Variants in PTK2 observed in about 807,000 individuals in gnomAD.
PTK2 encodes the protein focal adhesion kinase 1.
Under a neutral mutation model 150.1 loss-of-function variants are expected in PTK2, and 45 were observed. The observed-to-expected ratio is 0.30, with a 90% confidence interval of 0.24 to 0.38. The LOEUF (loss-of-function observed/expected upper bound fraction) is 0.38, where lower values mean the gene tolerates loss of function less well. Among genes scored for constraint, PTK2 ranks in the 10% least tolerant of loss-of-function variants. PTK2 has a pLI of 1.00. For synonymous variants in PTK2, 432 were observed against 449.2 expected (o/e 0.96, Z 0.48); for missense variants, 919 against 1,307.3 (o/e 0.70, Z 4.58).
intron 2 of PTK2, among the ~76,000 whole-genome samples, chr8:140,915,676 C>G (rs376396109): frequency 2.6e-5 from 4 of 151,998 alleles, no homozygotes; most frequent in East Asian, 1.9e-4. Flanking sequence ...GCAGGCAGAT[C>G]ACCTGAGGTC....
intron 2 of PTK2, among the ~76,000 whole-genome samples, chr8:140,917,301 C>T (rs2154608160): frequency 1.3e-5 from 2 of 151,150 alleles, no homozygotes; most frequent in Middle Eastern, 6.8e-3. Context: ...TGAGGCAGAA[C>T]TGCTTGAACC....
At chr8:140,967,215 C>T (rs1246308142) in intron 1 of PTK2, among the ~76,000 whole-genome samples, 1 of 152,224 alleles carries the variant, frequency 6.6e-6, no homozygotes, top group South Asian at 2.1e-4. Flanking sequence ...AATCATGCTG[C>T]TATTCTTGCT....
chr8:140,837,746 CA>C (rs961686065), intron 7 of PTK2, among the ~76,000 whole-genome samples: 1 of 145,780 alleles, frequency 6.9e-6, no homozygotes, highest in African/African-American at 2.5e-5. Flanking sequence ...CAAACAAAAA[CA>C]AAAAAAGTCA....
chr8:140,679,455 C>T (rs576396719), intron 27 of PTK2, among the ~76,000 whole-genome samples: 4 of 152,260 alleles, frequency 2.6e-5, no homozygotes, highest in East Asian at 1.9e-4. Flanking sequence ...TGTGTGCTCA[C>T]GTACAACCTG....
intron 24 of PTK2, among the ~76,000 whole-genome samples, chr8:140,703,537 CTG>C (rs2100031943): frequency 6.6e-6 from 1 of 152,210 alleles, no homozygotes; most frequent in Non-Finnish European, 1.5e-5. Flanking sequence ...ACAAAAATGT[CTG>C]TGCCATACTT....
intron 27 of PTK2, among the ~76,000 whole-genome samples, chr8:140,676,975 G>A (rs115483752): frequency 0.018 from 2,640 of 149,640 alleles, 75 homozygotes; most frequent in African/African-American, 0.061. Context: ...GACTTAATGG[G>A]TATAATGTAC....
chr8:140,674,496 T>G, intron 28 of PTK2, 92 bp from the exon 32 acceptor site: 1 of 1,187,476 alleles, frequency 8.4e-7, no homozygotes. Context: ...TCTCAGCACT[T>G]TGGGAGGCTG....
intron 1 of PTK2, among the ~76,000 whole-genome samples, chr8:140,991,113 C>T (rs2100195554): frequency 6.6e-6 from 1 of 152,146 alleles, no homozygotes. Context: ...TGTGGACTGT[C>T]TAATTTTTAT....
intron 8 of PTK2, among the ~76,000 whole-genome samples, chr8:140,823,208 T>A (rs2100109850): frequency 6.6e-6 from 1 of 152,208 alleles, no homozygotes; most frequent in Non-Finnish European, 1.5e-5. Flanking sequence ...TGTTGGTATA[T>A]TCATTCATGA....
intron 24 of PTK2, among the ~76,000 whole-genome samples, chr8:140,703,422 T>C (rs959208363): frequency 1.3e-5 from 2 of 152,196 alleles, no homozygotes; most frequent in African/African-American, 4.8e-5. Flanking sequence ...ATTAGAGAGC[T>C]AGTGCAAATA....
At chr8:140,990,290 A>G (rs2100195211) in intron 1 of PTK2, among the ~76,000 whole-genome samples, 1 of 150,906 alleles carries the variant, frequency 6.6e-6, no homozygotes, top group Non-Finnish European at 1.5e-5. Context: ...GTTGGAGTGT[A>G]GTGGTGTGAT....
chr8:140,741,429 T>C (rs2100055585), intron 20 of PTK2, among the ~76,000 whole-genome samples: 1 of 151,624 alleles, frequency 6.6e-6, no homozygotes, highest in African/African-American at 2.4e-5. Flanking sequence ...CACTCCAGCC[T>C]GGGCGACAGA....
intron 7 of PTK2, chr8:140,832,938 C>T (rs1156435614): frequency 1.9e-6 from 1 of 518,972 alleles, no homozygotes; most frequent in Non-Finnish European, 3.8e-6. Context: ...AGGGAATATC[C>T]TCTCCGCCAC....
intron 1 of PTK2, chr8:140,934,684 A>G (rs767816964): frequency 6.6e-6 from 1 of 152,254 alleles, no homozygotes; most frequent in African/African-American, 2.4e-5. Context: ...CACCTCCCCA[A>G]TGTTCCTGCT....
At chr8:140,846,786 C>A in intron 5 of PTK2, 108 bp from the exon 6 acceptor site, 1 of 690,614 alleles carries the variant, frequency 1.4e-6, no homozygotes, top group South Asian at 2.1e-5. Context: ...TACATTATGT[C>A]GGTAATTACG....
chr8:140,764,058 CTTAGAGTGGGCATATGTAAGTAATA>C, intron 15 of PTK2, 151 bp downstream of exon 17: 3 of 647,034 alleles, frequency 4.6e-6, no homozygotes, highest in Non-Finnish European at 8.2e-6. Flanking sequence ...GGCTTCTGAC[CTTAGAGTGGGCATATGTAAGTAATA>C]TAGAATGGTA....
At chr8:140,979,122 AG>A (rs1380601600) in intron 1 of PTK2, among the ~76,000 whole-genome samples, 1 of 45,772 alleles carries the variant, frequency 2.2e-5, no homozygotes, top group Non-Finnish European at 3.9e-5. Flanking sequence ...GGGTGGGGGG[AG>A]GGGGGAGGGA....
At position 140,702,143 on chromosome 8, in the gene PTK2, A is replaced by G. The variant is rs1452622049; in HGVS notation, c.2367+427T>C. 1.8e-3 allele frequency among the ~76,000 whole-genome samples: 268 copies of G among 149,746 alleles called. 2 individuals carry two copies. Among genetic ancestry groups the G allele is most frequent in the Non-Finnish European group, 3.4e-3 (232 of 67,408 alleles). ...ACTCTGTCTCCAAAAAAAAAAAAAA[A>G]AAAAAAAAAAGTCATTAAAATCAAT... On this transcript the variant is annotated intron_variant, in intron 25 of 31. Transcript: ENST00000522684.
chr8:140,756,091 G>A lies in PTK2; in HGVS notation c.1333-3775C>T, dbSNP rs545304535. On this transcript the variant is annotated intron_variant, in intron 16 of 31. Coordinates refer to ENST00000522684, the Ensembl canonical transcript of PTK2. Reference sequence around the variant, plus strand: ...TGTAATCCCAGCACACTGGGAGGCCGGGGCAGGTGGGTCCCTGGAGGTCAG... The same window carrying A: ...TGTAATCCCAGCACACTGGGAGGCCAGGGCAGGTGGGTCCCTGGAGGTCAG... Among the ~76,000 whole-genome samples the A allele has an allele frequency of 3.9e-5, 6 of 152,186 alleles. No individual in the cohort carries two copies. In the South Asian group the frequency reaches 1.2e-3, roughly 32 times the overall value.
Sources: gnomAD v4.1 joint callset for allele counts (sites outside exome capture counted in the v4.1 genomes callset) on GRCh38, gnomAD v4.1.1 for gene constraint, MANE v1.5 for transcripts, NCBI Gene and HGNC (gene_info 2026-07-23, HGNC 2026-07-21) for gene names.